Variants in SMOC2 observed in about 807,000 individuals in gnomAD.
SMOC2 encodes SPARC-related modular calcium-binding protein 2.
In SMOC2, 39 loss-of-function variants were observed where a neutral mutation model predicts 61.4. That is an observed-to-expected ratio of 0.64 (90% CI 0.49 to 0.83). The LOEUF (loss-of-function observed/expected upper bound fraction) is 0.83, where lower values mean the gene tolerates loss of function less well. Ranked by LOEUF, SMOC2 falls within the 40% of genes least tolerant of loss-of-function variation. The pLI is 0.00. For missense variants in SMOC2, 556 were observed against 592.9 expected, an observed-to-expected ratio of 0.94 and a Z score of 0.65; for synonymous variants, 247 against 239.9, an observed-to-expected ratio of 1.03 and a Z score of -0.27.
chr6:168,482,710 C>T (rs1782236294), intron 1 of SMOC2, among the ~76,000 whole-genome samples: 1 of 152,062 alleles, frequency 6.6e-6, no homozygotes, highest in South Asian at 2.1e-4. Context: ...ACACCATGAT[C>T]ATGTGGGATT....
intron 4 of SMOC2, among the ~76,000 whole-genome samples, chr6:168,530,296 T>C (rs1884475): frequency 0.88 from 133,188 of 152,148 alleles, 59,684 homozygotes; most frequent in East Asian, 0.99. Context: ...CCTCCCAGCT[T>C]TTCAGTTGTC....
At chr6:168,582,557 C>T (rs1784943936) in intron 7 of SMOC2, among the ~76,000 whole-genome samples, 1 of 152,128 alleles carries the variant, frequency 6.6e-6, no homozygotes, top group African/African-American at 2.4e-5. Context: ...AGAGAGTAAG[C>T]AGGAAACCAG....
intron 3 of SMOC2, among the ~76,000 whole-genome samples, chr6:168,527,246 G>A (rs986683480): frequency 2.6e-5 from 4 of 152,154 alleles, no homozygotes; most frequent in African/African-American, 9.7e-5. Flanking sequence ...GCTGCAGAGT[G>A]AACACTAAAG....
At chr6:168,637,593 C>T (rs1019850332) in intron 9 of SMOC2, among the ~76,000 whole-genome samples, 1 of 152,184 alleles carries the variant, frequency 6.6e-6, no homozygotes, top group African/African-American at 2.4e-5. Context: ...CGAATGTTTG[C>T]GTTTTCCTTT....
chr6:168,451,593 G>GTC (rs1227278020), intron 1 of SMOC2, among the ~76,000 whole-genome samples: 4 of 94,056 alleles, frequency 4.3e-5, no homozygotes, highest in Non-Finnish European at 8.4e-5. Context: ...GTCTCTCTCT[G>GTC]TCTCTGTCTC....
At chr6:168,597,769 G>C (rs1235386647) in intron 7 of SMOC2, among the ~76,000 whole-genome samples, 1 of 152,182 alleles carries the variant, frequency 6.6e-6, no homozygotes, top group Admixed American at 6.5e-5. Context: ...CTCCACCTGC[G>C]TGTTCCTGCT....
intron 7 of SMOC2, among the ~76,000 whole-genome samples, chr6:168,558,821 A>G (rs1264191679): frequency 1.4e-5 from 2 of 148,108 alleles, no homozygotes; most frequent in African/African-American, 2.5e-5. Flanking sequence ...GTGTGTGCGT[A>G]TGTGCATGTG....
chr6:168,599,737 C>T (rs1370138557), intron 8 of SMOC2, among the ~76,000 whole-genome samples: 2 of 145,994 alleles, frequency 1.4e-5, no homozygotes, highest in African/African-American at 5.1e-5. Context: ...TACTCTCACA[C>T]ACTCATACCC....
chr6:168,584,871 A>G (rs898484922), intron 7 of SMOC2, among the ~76,000 whole-genome samples: 1 of 152,212 alleles, frequency 6.6e-6, no homozygotes, highest in South Asian at 2.1e-4. Flanking sequence ...TAGACAGCAC[A>G]TCCATCCCGG....
At chr6:168,607,321 C>T (rs1264613626) in intron 8 of SMOC2, among the ~76,000 whole-genome samples, 1 of 152,166 alleles carries the variant, frequency 6.6e-6, no homozygotes, top group Non-Finnish European at 1.5e-5. Flanking sequence ...AAGGATAAAA[C>T]CCAGGCAAAG....
chr6:168,569,927 G>A (rs879261177), intron 7 of SMOC2, among the ~76,000 whole-genome samples: 1 of 152,154 alleles, frequency 6.6e-6, no homozygotes, highest in Non-Finnish European at 1.5e-5. Flanking sequence ...AGTCATCACC[G>A]AATCCAAGGT....
intron 11 of SMOC2, among the ~76,000 whole-genome samples, chr6:168,659,121 G>A (rs984820417): frequency 1.3e-4 from 19 of 151,900 alleles, no homozygotes; most frequent in African/African-American, 3.6e-4. Flanking sequence ...TAATACTGGC[G>A]CTCTGGGCTG....
intron 7 of SMOC2, among the ~76,000 whole-genome samples, chr6:168,566,479 CTTTTTTTTTT>C (rs10553952): frequency 4.2e-5 from 5 of 118,264 alleles, no homozygotes; most frequent in South Asian, 3.0e-4. Context: ...TGTAGCACTT[CTTTTTTTTTT>C]TTTTTTTTTT....
rs140250723 is a variant in SMOC2 at position 168,475,244 on chromosome 6, G to A, written c.84+33790G>A. Among the ~76,000 whole-genome samples the A allele has an allele frequency of 1.5e-3, 223 of 152,210 alleles. 1 individual carries two copies. The highest frequency in any genetic ancestry group is 5.2e-3 in the African/African-American group (217 of 41,542). On this transcript the variant is annotated intron_variant, in intron 1 of 12. Coordinates refer to ENST00000356284, the MANE Select transcript of SMOC2 (RefSeq NM_001166412.2). This position sits in a 1 kb window ranked among gnomAD's most constrained non-coding sequence, Gnocchi z 4.6. ...TGCTTTGGAGAAGCTAAACTTTGAA[G>A]TGTGTGGAAGGCAGCTTGGATAGTC...
intron 7 of SMOC2, among the ~76,000 whole-genome samples, chr6:168,565,893 C>T (rs1295827120): frequency 6.6e-6 from 1 of 152,118 alleles, no homozygotes; most frequent in Non-Finnish European, 1.5e-5. Flanking sequence ...CACCTGACCT[C>T]GATACAAGTT....
chr6:168,503,859 T>G (rs1244056116), intron 1 of SMOC2, among the ~76,000 whole-genome samples: 9 of 151,988 alleles, frequency 5.9e-5, no homozygotes, highest in African/African-American at 2.2e-4. Flanking sequence ...ACAAAATTGG[T>G]GAGATCCTGT....
At chr6:168,609,764 A>T (rs113133623) in intron 9 of SMOC2, among the ~76,000 whole-genome samples, 262 of 152,322 alleles carry the variant, frequency 1.7e-3, no homozygotes, top group African/African-American at 6.1e-3. Context: ...CGTGCACTTC[A>T]ATCTGTCTTT....
chr6:168,526,429 A>G lies in SMOC2; in HGVS notation c.340A>G (p.Asn114Asp). The G allele has an allele frequency of 6.2e-7, 1 of 1,614,178 alleles. No individual in the cohort carries two copies. The highest frequency in any genetic ancestry group is 8.5e-7 in the Non-Finnish European group (1 of 1,180,034). ...EFQQVFIPEC[N>D]DDGTYSQVQC... ...TCAGCAAGTGTTCATTCCTGAGTGCAATGACGACGGCACCTACAGTCAGGT... is the reference window on the plus strand; with the variant it reads ...TCAGCAAGTGTTCATTCCTGAGTGCGATGACGACGGCACCTACAGTCAGGT... Residue 114 changes from asparagine to aspartate, a missense_variant, in exon 3 of 13, where the codon AAT (asparagine) becomes GAT (aspartate). By Grantham distance (23) the Asn-to-Asp change is conservative (BLOSUM62 1). Coordinates refer to ENST00000356284, the MANE Select transcript of SMOC2 (RefSeq NM_001166412.2).
intron 4 of SMOC2, among the ~76,000 whole-genome samples, chr6:168,529,398 G>T (rs139422239): frequency 2.0e-5 from 3 of 152,294 alleles, no homozygotes; most frequent in Non-Finnish European, 4.4e-5. Context: ...CTGTCTGTGA[G>T]GGGGGGCAGT....
Sources: gnomAD v4.1 joint callset for allele counts (sites outside exome capture counted in the v4.1 genomes callset) on GRCh38, gnomAD v4.1.1 for gene constraint, Gnocchi (gnomAD v3.1) non-coding constraint, MANE v1.5 for transcripts, NCBI Gene and HGNC (gene_info 2026-07-23, HGNC 2026-07-21) for gene names.